Variants in OSBPL10 observed in about 807,000 individuals in gnomAD.
OSBPL10 encodes oxysterol binding protein like 10, also known as oxysterol-binding protein-related protein 10.
Under a neutral mutation model 81.7 loss-of-function variants are expected in OSBPL10, and 49 were observed. The observed-to-expected ratio is 0.60, with a 90% confidence interval of 0.48 to 0.76. The LOEUF (loss-of-function observed/expected upper bound fraction) is 0.76, where lower values mean the gene tolerates loss of function less well. OSBPL10 is among the 30% of genes least tolerant of loss of function. The pLI, the probability that OSBPL10 is intolerant of heterozygous loss-of-function variation, is 0.00. For missense variants in OSBPL10, 923 were observed against 987.8 expected, an observed-to-expected ratio of 0.93 and a Z score of 0.88; for synonymous variants, 419 against 383.6, an observed-to-expected ratio of 1.09 and a Z score of -1.08.
rs192826925 is a variant in OSBPL10 at position 31,960,547 on chromosome 3, C to G, written c.281+20352G>C. ...AATTGACCTAAATGAGAAAGCAAGG[C>G]TAAAATGGACACCAGAAGGTTGCAA... is the stretch of plus-strand genomic sequence containing the variant. On this transcript the variant is annotated intron_variant, in intron 1 of 11. Transcript: ENST00000396556. Among the ~76,000 whole-genome samples, 38 of 152,266 alleles carry G rather than the reference C, an allele frequency of 2.5e-4. 1 individual carries two copies. Among genetic ancestry groups the G allele is most frequent in the Admixed American group, 1.7e-3 (26 of 15,292 alleles).
intron 1 of OSBPL10, among the ~76,000 whole-genome samples, chr3:31,968,609 C>A (rs1052847084): frequency 6.6e-6 from 1 of 151,834 alleles, no homozygotes; most frequent in Admixed American, 6.6e-5. Context: ...TGAAGCATAC[C>A]TTTACGTTCA....
intron 3 of OSBPL10, among the ~76,000 whole-genome samples, chr3:31,853,901 A>C (rs965238753): frequency 6.6e-6 from 1 of 152,244 alleles, no homozygotes; most frequent in East Asian, 1.9e-4. Flanking sequence ...AACCTAAGGC[A>C]GTTATTTATA....
chr3:31,702,069 T>A (rs528954237), intron 7 of OSBPL10, among the ~76,000 whole-genome samples: 132 of 152,260 alleles, frequency 8.7e-4, no homozygotes, highest in African/African-American at 3.1e-3. Context: ...ACCTTGAATT[T>A]TCCATACCAT....
chr3:31,835,915 T>TA (rs1559485461), intron 3 of OSBPL10, among the ~76,000 whole-genome samples: 1 of 152,260 alleles, frequency 6.6e-6, no homozygotes, highest in African/African-American at 2.4e-5. Flanking sequence ...ACTTTCCTGA[T>TA]AGTCAACCTC....
intron 4 of OSBPL10, among the ~76,000 whole-genome samples, chr3:31,794,234 T>TC (rs1259910785): frequency 6.6e-6 from 1 of 152,194 alleles, no homozygotes; most frequent in African/African-American, 2.4e-5. Flanking sequence ...AACCTCTACC[T>TC]CCTGGGTTCA....
At chr3:31,893,256 T>A (rs949176683) in intron 1 of OSBPL10, among the ~76,000 whole-genome samples, 4 of 152,170 alleles carry the variant, frequency 2.6e-5, no homozygotes, top group African/African-American at 9.7e-5. Flanking sequence ...AAATATTTCA[T>A]TTCACCAAAG....
Position 31,744,786 on chromosome 3 carries a change from G to GA in OSBPL10, c.940+3123dup, listed in dbSNP as rs1553620553. On this transcript the variant is annotated intron_variant, in intron 5 of 11. Coordinates refer to ENST00000396556, the MANE Select transcript of OSBPL10 (RefSeq NM_017784.5). ...ATGCCAGAGAGCCAATGAAAATTAG[G>GA]AAAAAAAAAAACAACGAATTTTCTA... Among the ~76,000 whole-genome samples the GA allele has an allele frequency of 5.0e-3, 735 of 146,994 alleles. 13 individuals carry two copies. In the South Asian group the frequency reaches 0.056, roughly 11 times the overall value.
intron 1 of OSBPL10, among the ~76,000 whole-genome samples, chr3:31,907,619 CAAAAAAAA>C (rs142840420): frequency 1.2e-3 from 74 of 63,866 alleles, no homozygotes; most frequent in South Asian, 2.8e-3. Context: ...ACCTCCATCT[CAAAAAAAA>C]AAAAAAAAAA....
chr3:31,680,276 G>C (rs1266377579), intron 8 of OSBPL10, among the ~76,000 whole-genome samples: 1 of 152,154 alleles, frequency 6.6e-6, no homozygotes, highest in Non-Finnish European at 1.5e-5. Context: ...AATCGCCCTT[G>C]ACCTGATCCC....
chr3:31,857,476 G>A (rs1447648164), intron 3 of OSBPL10, among the ~76,000 whole-genome samples: 1 of 151,874 alleles, frequency 6.6e-6, no homozygotes, highest in Admixed American at 6.6e-5. Flanking sequence ...ACTGCCTGAT[G>A]GAGAGCATCT....
At chr3:32,055,246 C>T (rs1699700031) in intron 1 of OSBPL10, among the ~76,000 whole-genome samples, 3 of 127,490 alleles carry the variant, frequency 2.4e-5, no homozygotes, top group African/African-American at 5.9e-5. Flanking sequence ...CTCTGTCGCC[C>T]AGGCTGGAGT....
chr3:31,860,260 T>C (rs980638557), intron 3 of OSBPL10, among the ~76,000 whole-genome samples: 4 of 152,182 alleles, frequency 2.6e-5, no homozygotes, highest in Non-Finnish European at 5.9e-5. Context: ...ACCAGACCTA[T>C]GATGGGCCAA....
intron 4 of OSBPL10, among the ~76,000 whole-genome samples, chr3:31,772,572 C>CCCT (rs1248817604): frequency 1.3e-5 from 2 of 152,162 alleles, no homozygotes; most frequent in Non-Finnish European, 2.9e-5. Context: ...GATTTGAACC[C>CCCT]CCTCCAAGGG....
intron 7 of OSBPL10, among the ~76,000 whole-genome samples, chr3:31,697,438 CTAA>C (rs1333103042): frequency 6.6e-5 from 10 of 151,840 alleles, no homozygotes; most frequent in Non-Finnish European, 1.0e-4. Flanking sequence ...CAAATGGCAA[CTAA>C]TAATAAATGG....
intron 4 of OSBPL10, among the ~76,000 whole-genome samples, chr3:31,808,900 A>G (rs1559474133): frequency 1.3e-5 from 2 of 152,228 alleles, no homozygotes; most frequent in South Asian, 4.1e-4. Flanking sequence ...ATACACATGC[A>G]ATAATATTTA....
chr3:31,754,844 T>C (rs1697839573), intron 4 of OSBPL10, among the ~76,000 whole-genome samples: 1 of 152,220 alleles, frequency 6.6e-6, no homozygotes, highest in Admixed American at 6.5e-5. Context: ...ACTCATGTTG[T>C]GATTGTCCTG....
chr3:32,015,273 GC>G (rs1298033548), intron 2 of OSBPL10, among the ~76,000 whole-genome samples: 1 of 152,040 alleles, frequency 6.6e-6, no homozygotes, highest in African/African-American at 2.4e-5. Flanking sequence ...ACAGAATAGA[GC>G]CCTCAGAAAT....
intron 1 of OSBPL10, among the ~76,000 whole-genome samples, chr3:31,918,178 A>G (rs902092864): frequency 2.0e-5 from 3 of 152,194 alleles, no homozygotes; most frequent in African/African-American, 7.2e-5. Context: ...AAACACAATG[A>G]CAATTCACTT....
chr3:31,695,187 C>T (rs1695676473), intron 7 of OSBPL10, among the ~76,000 whole-genome samples: 1 of 152,214 alleles, frequency 6.6e-6, no homozygotes, highest in African/African-American at 2.4e-5. Flanking sequence ...CTTCTACCTA[C>T]TCTCTGAAGC....
Sources: gnomAD v4.1 joint callset for allele counts (sites outside exome capture counted in the v4.1 genomes callset) on GRCh38, gnomAD v4.1.1 for gene constraint, MANE v1.5 for transcripts, NCBI Gene and HGNC (gene_info 2026-07-23, HGNC 2026-07-21) for gene names.